NADSYN1: variants seen among roughly 807,000 people sequenced by gnomAD.
NADSYN1 encodes the protein NAD synthetase 1, also known as glutamine-dependent NAD(+) synthetase.
Under a neutral mutation model 99.3 loss-of-function variants are expected in NADSYN1, and 80 were observed. The ratio of observed to expected loss-of-function variants is 0.81; its 90% CI spans 0.67 to 0.97. The LOEUF (loss-of-function observed/expected upper bound fraction) is 0.97, where lower values mean the gene tolerates loss of function less well. Ranked by LOEUF, NADSYN1 falls within the 50% of genes least tolerant of loss-of-function variation. The pLI, the probability that NADSYN1 is intolerant of heterozygous loss-of-function variation, is 0.00. For missense variants in NADSYN1, 859 were observed against 948.5 expected (o/e 0.91, Z 1.24); for synonymous variants, 385 against 372.1 (o/e 1.03, Z -0.40).
intron 9 of NADSYN1, chr11:71,476,695 G>T: frequency 1.0e-6 from 1 of 954,616 alleles, no homozygotes; most frequent in Middle Eastern, 5.3e-4. Context: ...AGTTCCTGCT[G>T]ATGGGAAGTG....
At chr11:71,476,715 C>T in intron 9 of NADSYN1, 3 of 863,000 alleles carry the variant, frequency 3.5e-6, no homozygotes, top group South Asian at 1.1e-4. Flanking sequence ...GTGGTCCTCT[C>T]CCCGTTCACG....
intron 18 of NADSYN1, 41 bp downstream of exon 18, chr11:71,491,944 C>T (rs1482417409): frequency 3.8e-6 from 6 of 1,579,366 alleles, no homozygotes; most frequent in Admixed American, 3.4e-5. Context: ...CTGCCCTCCT[C>T]CCCACCTCCT....
intron 3 of NADSYN1, among the ~76,000 whole-genome samples, chr11:71,462,560 A>G (rs1273722216): frequency 6.6e-6 from 1 of 152,126 alleles, no homozygotes; most frequent in Admixed American, 6.5e-5. Flanking sequence ...ACGTGTAGTT[A>G]GGACCCCCTC....
intron 18 of NADSYN1, among the ~76,000 whole-genome samples, chr11:71,493,186 G>A (rs1949795371): frequency 6.6e-6 from 1 of 152,158 alleles, no homozygotes; most frequent in African/African-American, 2.4e-5. Context: ...GAGCCACTGA[G>A]CCCGGCCTCT....
intron 9 of NADSYN1, chr11:71,475,717 T>C (rs1232323969): frequency 8.0e-6 from 2 of 250,556 alleles, no homozygotes; most frequent in Non-Finnish European, 1.6e-5. Flanking sequence ...TCCCTTTCGG[T>C]TGTTTGTTTG....
In NADSYN1 at chr11:71,497,548, G is replaced by A. The variant is rs778790431; in HGVS notation, c.1830G>A (p.Met610Ile). The change falls in exon 19 of 21, where the codon ATG (methionine) becomes ATA (isoleucine). Residue 610 changes from methionine (M) to isoleucine (I), a missense_variant. Transcript: ENST00000319023. ...GGAAACTCAGGAAGGTGGCCAAGATGGGGCCCTACAGCATGTTCTGCAAAC... is the reference window on the plus strand; with the variant it reads ...GGAAACTCAGGAAGGTGGCCAAGATAGGGCCCTACAGCATGTTCTGCAAAC... Reference protein sequence around the residue: ...VYGKLRKVAKMGPYSMFCKLL... With the variant: ...VYGKLRKVAKIGPYSMFCKLL... 6.2e-7 allele frequency: 1 copy of A among 1,614,088 alleles called. No homozygotes were observed. The highest frequency in any genetic ancestry group is 8.5e-7 in the Non-Finnish European group (1 of 1,179,954).
rs376660590 is a variant in NADSYN1, at chr11:71,454,933, C to T, written c.86-177C>T. On this transcript the variant is annotated intron_variant, in intron 1 of 20. Coordinates refer to ENST00000319023, the MANE Select transcript of NADSYN1 (RefSeq NM_018161.5). Reference sequence around the variant, plus strand: ...GGTGTATACAGGTGTATGCTGCCCTCTGCTGCCATGCTGTCAACAGGAAGC... The same window carrying T: ...GGTGTATACAGGTGTATGCTGCCCTTTGCTGCCATGCTGTCAACAGGAAGC... Among the ~76,000 whole-genome samples, 12 of 152,312 alleles carry T rather than the reference C, an allele frequency of 7.9e-5. No homozygotes were observed. The South Asian group carries it at 1.2e-3, about 16-fold the overall frequency.
At chr11:71,477,433 G>T in intron 9 of NADSYN1, 1 of 1,289,714 alleles carries the variant, frequency 7.8e-7, no homozygotes, top group Non-Finnish European at 1.0e-6. Context: ...GGGCATCTCC[G>T]GCCAGGTATG....
chr11:71,457,446 A>G (rs886188656), intron 2 of NADSYN1, among the ~76,000 whole-genome samples: 4 of 152,236 alleles, frequency 2.6e-5, no homozygotes, highest in Admixed American at 2.6e-4. Context: ...GAAGAGTTAT[A>G]AGTGTTCTAC....
At chr11:71,491,689 A>ACC in intron 17 of NADSYN1, 145 bp from the exon 18 acceptor site, 1 of 697,070 alleles carries the variant, frequency 1.4e-6, no homozygotes, top group Non-Finnish European at 2.4e-6. Flanking sequence ...AAAGCCCAGC[A>ACC]CCGCAAGCCT....
intron 11 of NADSYN1, 169 bp downstream of exon 11, chr11:71,481,048 C>T (rs756627107): frequency 1.1e-4 from 104 of 927,694 alleles, no homozygotes; most frequent in Middle Eastern, 1.0e-3. Context: ...AGAGCCAGAA[C>T]CCCTGGGTGT....
intron 16 of NADSYN1, among the ~76,000 whole-genome samples, chr11:71,490,070 C>T (rs374035631): frequency 6.6e-6 from 1 of 152,148 alleles, no homozygotes; most frequent in East Asian, 1.9e-4. Flanking sequence ...GACACAGGTC[C>T]AGTATGGGTC....
rs191398758 is a variant in NADSYN1, at chr11:71,485,087, C to T, written c.1456-455C>T. ...GCTGTCTGCCTCCTGAGCTACTGCA[C>T]TTGACTGACTGCTCCGTGATGGGCA... On this transcript the variant is annotated intron_variant, in intron 15 of 20. Transcript: ENST00000319023. 26 of 171,400 alleles carry T rather than the reference C, an allele frequency of 1.5e-4. 1 individual carries two copies. The highest frequency in any genetic ancestry group is 1.4e-3 in the Admixed American group (25 of 18,146). 10.6% of individuals were successfully genotyped at this position (171,400 alleles called of 1,614,324 possible).
chr11:71,486,450 T>C (rs1591133462), intron 16 of NADSYN1, among the ~76,000 whole-genome samples: 1 of 151,934 alleles, frequency 6.6e-6, no homozygotes, highest in African/African-American at 2.4e-5. Flanking sequence ...CATCCACCCA[T>C]CTGTCTGTCC....
At chr11:71,455,370 T>A (rs1449077872) in intron 2 of NADSYN1, 200 bp downstream of exon 2, 1 of 501,748 alleles carries the variant, frequency 2.0e-6, no homozygotes, top group African/African-American at 1.9e-5. Context: ...GATTCCCATG[T>A]TGAGTAATTA....
At chr11:71,475,022 C>T (rs1949656172) in intron 9 of NADSYN1, 2 of 194,816 alleles carry the variant, frequency 1.0e-5, no homozygotes, top group African/African-American at 2.3e-5. Context: ...GGGAGGCGGG[C>T]TCTGTGGTGA....
At chr11:71,480,957 C>G in intron 11 of NADSYN1, 78 bp downstream of exon 11, 1 of 1,574,318 alleles carries the variant, frequency 6.4e-7, no homozygotes, top group East Asian at 2.3e-5. Context: ...CTGGAGGTCA[C>G]GCAGTGGGTT....
chr11:71,490,587 A>T (rs1949771978), intron 16 of NADSYN1, among the ~76,000 whole-genome samples: 4 of 152,020 alleles, frequency 2.6e-5, no homozygotes, highest in Admixed American at 2.6e-4. Context: ...TGTTCAGACG[A>T]CTGCTCCCAG....
intron 5 of NADSYN1, among the ~76,000 whole-genome samples, chr11:71,470,754 A>G (rs773750658): frequency 6.6e-6 from 1 of 152,066 alleles, no homozygotes; most frequent in Non-Finnish European, 1.5e-5. Context: ...AGGAAAGTTT[A>G]CCTATTTTCT....
Sources: allele counts gnomAD v4.1 joint callset (sites outside exome capture counted in the v4.1 genomes callset), GRCh38; gene constraint gnomAD v4.1.1; transcripts MANE v1.5; gene names NCBI Gene and HGNC (gene_info 2026-07-23, HGNC 2026-07-21).